The following MACROD2 variants were observed in gnomAD, a reference collection of about 807,000 sequenced individuals.
The protein encoded by MACROD2 is mono-ADP ribosylhydrolase 2.
MACROD2 carries 36 observed loss-of-function variants against 70.4 expected under a neutral mutation model. The observed-to-expected ratio is 0.51, with a 90% CI of 0.39 to 0.68. The LOEUF is 0.68. Among genes scored for constraint, MACROD2 ranks in the 30% least tolerant of loss-of-function variants. The pLI, the probability that MACROD2 is intolerant of heterozygous loss-of-function variation, is 0.00. For missense variants in MACROD2, 496 were observed against 538.4 expected (o/e 0.92, Z 0.78); for synonymous variants, 172 against 178.8 (o/e 0.96, Z 0.30).
At chr20:15,482,841 T>C (rs1364496818) in intron 7 of MACROD2, among the ~76,000 whole-genome samples, 1 of 152,216 alleles carries the variant, frequency 6.6e-6, no homozygotes, top group African/African-American at 2.4e-5. Flanking sequence ...TCTTTACATA[T>C]GCCTATTTGC....
At chr20:15,559,316 G>T (rs1056889070) in intron 8 of MACROD2, among the ~76,000 whole-genome samples, 1 of 149,662 alleles carries the variant, frequency 6.7e-6, no homozygotes, top group African/African-American at 2.5e-5. Flanking sequence ...TAGATAACAA[G>T]AGTGAATAAA....
At chr20:15,986,626 T>C (rs2066486827) in intron 13 of MACROD2, 101 bp from the exon 14 acceptor site, 1 of 674,594 alleles carries the variant, frequency 1.5e-6, no homozygotes, top group Non-Finnish European at 2.4e-6. Flanking sequence ...CTGTTCTCTA[T>C]CTCTCCATGC....
Position 16,039,558 on chromosome 20 carries a change from A to G in MACROD2, c.1154-1643A>G, listed in dbSNP as rs563590068. Among the ~76,000 whole-genome samples the G allele has an allele frequency of 2.6e-5, 4 of 151,914 alleles. No individual in the cohort carries two copies. In the South Asian group the frequency reaches 8.3e-4, roughly 31 times the overall value. On this transcript the variant is annotated intron_variant, in intron 15 of 17. Transcript: ENST00000684519. ...TTCCATTAAAAAGTTTATTATGTTT[A>G]TAAAGTCAAATATTTTGTTCTTGCT...
intron 6 of MACROD2, among the ~76,000 whole-genome samples, chr20:15,363,452 G>A (rs1600296615): frequency 6.6e-6 from 1 of 152,204 alleles, no homozygotes. Context: ...GCAATATATT[G>A]CTTTTATAGA....
chr20:15,181,320 A>C (rs1032729665), intron 5 of MACROD2, among the ~76,000 whole-genome samples: 4 of 152,256 alleles, frequency 2.6e-5, no homozygotes, highest in Non-Finnish European at 4.4e-5. Flanking sequence ...CTGTATTTGC[A>C]ATTATAGCTA....
At chr20:14,818,505 G>A (rs1344754976) in intron 5 of MACROD2, among the ~76,000 whole-genome samples, 2 of 151,998 alleles carry the variant, frequency 1.3e-5, no homozygotes, top group Non-Finnish European at 2.9e-5. Context: ...TTTAGTAACT[G>A]CATCCTGTGG....
intron 8 of MACROD2, among the ~76,000 whole-genome samples, chr20:15,534,717 TA>T (rs1464236272): frequency 6.6e-5 from 10 of 152,190 alleles, no homozygotes; most frequent in Non-Finnish European, 1.5e-5. Context: ...GCAATTCATG[TA>T]GATTTGATGC....
At chr20:15,219,248 T>C (rs2076837558) in intron 5 of MACROD2, among the ~76,000 whole-genome samples, 1 of 152,182 alleles carries the variant, frequency 6.6e-6, no homozygotes, top group Non-Finnish European at 1.5e-5. Context: ...AGCTATAATG[T>C]AGCAGTTCTG....
At chr20:15,218,898 T>G (rs963394828) in intron 5 of MACROD2, among the ~76,000 whole-genome samples, 1 of 152,038 alleles carries the variant, frequency 6.6e-6, no homozygotes, top group African/African-American at 2.4e-5. Context: ...TACAAAAAAT[T>G]AGCCAGGCGT....
chr20:14,987,231 A>G (rs886798969), intron 5 of MACROD2, among the ~76,000 whole-genome samples: 2 of 152,084 alleles, frequency 1.3e-5, no homozygotes, highest in Non-Finnish European at 2.9e-5. Flanking sequence ...ATTTGTGGCA[A>G]TTTGTTTAAC....
At chr20:15,467,309 T>C (rs2046906287) in intron 7 of MACROD2, among the ~76,000 whole-genome samples, 1 of 152,234 alleles carries the variant, frequency 6.6e-6, no homozygotes, top group African/African-American at 2.4e-5. Context: ...GCCCTAGCTG[T>C]CCACAGTGGC....
chr20:14,939,123 G>C (rs1325964738), intron 5 of MACROD2, among the ~76,000 whole-genome samples: 1 of 151,802 alleles, frequency 6.6e-6, no homozygotes, highest in African/African-American at 2.4e-5. Context: ...CATTTACCAA[G>C]TTTTGCTTTT....
At chr20:14,924,404 A>G (rs927889353) in intron 5 of MACROD2, among the ~76,000 whole-genome samples, 4 of 152,072 alleles carry the variant, frequency 2.6e-5, no homozygotes, top group African/African-American at 9.7e-5. Flanking sequence ...ATGCCACTGC[A>G]CTCTAGCCTG....
chr20:15,195,235 G>C (rs1268418168), intron 5 of MACROD2, among the ~76,000 whole-genome samples: 22 of 152,054 alleles, frequency 1.4e-4, no homozygotes, highest in Non-Finnish European at 1.5e-5. Context: ...TTGACAAATG[G>C]GGTCTAAGTA....
At chr20:14,967,034 A>C (rs1219203058) in intron 5 of MACROD2, among the ~76,000 whole-genome samples, 1 of 151,714 alleles carries the variant, frequency 6.6e-6, no homozygotes, top group Admixed American at 6.6e-5. Flanking sequence ...ATGGGTGTGT[A>C]CTGATATTTC....
chr20:14,746,686 G>A (rs1173501161), intron 5 of MACROD2, among the ~76,000 whole-genome samples: 3 of 152,016 alleles, frequency 2.0e-5, no homozygotes, highest in African/African-American at 4.8e-5. Context: ...GAAACTAGTC[G>A]AGGCCTTTTG....
At chr20:14,709,502 A>G (rs572690929) in intron 5 of MACROD2, among the ~76,000 whole-genome samples, 1 of 152,304 alleles carries the variant, frequency 6.6e-6, no homozygotes, top group African/African-American at 2.4e-5. Flanking sequence ...TCCTGATCCA[A>G]CATATATGTA....
intron 8 of MACROD2, among the ~76,000 whole-genome samples, chr20:15,602,220 A>C (rs2048831974): frequency 6.6e-6 from 1 of 152,158 alleles, no homozygotes; most frequent in South Asian, 2.1e-4. Flanking sequence ...AGAAAGCCCG[A>C]GGTTGTATCC....
At chr20:14,055,941 A>G (rs978792290) in intron 2 of MACROD2, among the ~76,000 whole-genome samples, 1 of 152,122 alleles carries the variant, frequency 6.6e-6, no homozygotes, top group Non-Finnish European at 1.5e-5. Flanking sequence ...GAATGAGTAA[A>G]TGAATTAATG....
Sources: gnomAD v4.1 joint callset for allele counts (sites outside exome capture counted in the v4.1 genomes callset) on GRCh38, gnomAD v4.1.1 for gene constraint, MANE v1.5 for transcripts, NCBI Gene and HGNC (gene_info 2026-07-23, HGNC 2026-07-21) for gene names.